CACNA1S: variants seen among roughly 807,000 people sequenced by gnomAD.
The protein encoded by CACNA1S is voltage-dependent L-type calcium channel subunit alpha-1S.
A neutral mutation model predicts 207.4 loss-of-function variants in CACNA1S; 126 were observed. That is an observed-to-expected ratio of 0.61 (90% CI 0.53 to 0.70). The LOEUF (loss-of-function observed/expected upper bound fraction) is 0.70. Ranked by LOEUF, CACNA1S falls within the 30% of genes least tolerant of loss-of-function variation. CACNA1S has a pLI of 0.00. For missense variants in CACNA1S, 2,349 were observed against 2,422.8 expected (o/e 0.97, Z 0.64); for synonymous variants, 960 against 932.7 (o/e 1.03, Z -0.53).
chr1:201,084,200 C>T (rs1019795666), intron 9 of CACNA1S, among the ~76,000 whole-genome samples: 35 of 152,126 alleles, frequency 2.3e-4, no homozygotes, highest in Non-Finnish European at 1.8e-4. Context: ...TTTGGCAACA[C>T]CTCATATGTG....
At chr1:201,081,756 G>A (rs139292632) in intron 10 of CACNA1S, among the ~76,000 whole-genome samples, 174 of 152,324 alleles carry the variant, frequency 1.1e-3, no homozygotes, top group African/African-American at 3.7e-3. Context: ...AATGGCTTGG[G>A]CCATTTCTTT....
At chr1:201,062,536 G>C in intron 22 of CACNA1S, 22 bp from the exon 23 acceptor site, 1 of 1,484,192 alleles carries the variant, frequency 6.7e-7, no homozygotes, top group Non-Finnish European at 9.4e-7. Flanking sequence ...AAGAGGGAGG[G>C]AGGGAGGGAG....
intron 39 of CACNA1S, 32 bp from the exon 40 acceptor site, chr1:201,043,563 G>C (rs1558052218): frequency 6.2e-7 from 1 of 1,612,288 alleles, no homozygotes; most frequent in Non-Finnish European, 8.5e-7. Context: ...GTGACTGGGG[G>C]TGAGGGCAGG....
chr1:201,089,225 G>C, intron 6 of CACNA1S, 33 bp downstream of exon 6: 2 of 1,602,440 alleles, frequency 1.2e-6, no homozygotes, highest in Non-Finnish European at 1.7e-6. Flanking sequence ...TGGATGAAGG[G>C]AGATGGTTCT....
intron 36 of CACNA1S, 26 bp from the exon 37 acceptor site, chr1:201,047,652 A>T: frequency 6.6e-7 from 1 of 1,510,748 alleles, no homozygotes; most frequent in South Asian, 1.1e-5. Context: ...GGCAAAAGTT[A>T]CCCAGATCAC....
chr1:201,040,142 C>T, intron 43 of CACNA1S, 60 bp from the exon 44 acceptor site: 1 of 1,611,768 alleles, frequency 6.2e-7, no homozygotes, highest in Non-Finnish European at 8.5e-7. Context: ...TGGGGACCTG[C>T]CTCTGTTGGC....
At chr1:201,094,603 A>C (rs934807008) in intron 2 of CACNA1S, among the ~76,000 whole-genome samples, 1 of 152,112 alleles carries the variant, frequency 6.6e-6, no homozygotes, top group African/African-American at 2.4e-5. Flanking sequence ...TGGATTACTC[A>C]GAACTCCAGA....
intron 28 of CACNA1S, among the ~76,000 whole-genome samples, chr1:201,054,824 T>C (rs998278884): frequency 6.6e-6 from 1 of 152,150 alleles, no homozygotes; most frequent in African/African-American, 2.4e-5. Context: ...CACAGACAGA[T>C]CCCTTCTCAT....
intron 10 of CACNA1S, among the ~76,000 whole-genome samples, chr1:201,082,656 C>G (rs1661877747): frequency 1.3e-5 from 2 of 152,176 alleles, no homozygotes; most frequent in Non-Finnish European, 2.9e-5. Flanking sequence ...GATCAGTCTT[C>G]CCCTCTGGCT....
chr1:201,066,341 G>A lies in CACNA1S; in HGVS notation c.2658-25C>T, dbSNP rs751280233. The A allele has an allele frequency of 1.3e-6, 2 of 1,593,114 alleles. No homozygotes were observed. Among genetic ancestry groups the A allele is most frequent in the South Asian group, 1.1e-5 (1 of 90,826 alleles). ...CCTGGGGGGCGGCAATGGTGAGGGG[G>A]CTGAGGGCAGCCTGCTCCAGCCAGC... On this transcript the variant is annotated intron_variant, in intron 20 of 43. Coordinates refer to ENST00000362061, the MANE Select transcript of CACNA1S (RefSeq NM_000069.3). The surrounding 1 kb of genome is among the most constrained non-coding windows in gnomAD (Gnocchi z 4.3).
At chr1:201,051,962 G>A (rs1295711777) in intron 32 of CACNA1S, among the ~76,000 whole-genome samples, 1 of 152,186 alleles carries the variant, frequency 6.6e-6, no homozygotes, top group East Asian at 1.9e-4. Context: ...TTGACACGCT[G>A]TGCCAAGAAG....
chr1:201,102,244 G>A (rs151030857), intron 2 of CACNA1S, among the ~76,000 whole-genome samples: 2 of 152,198 alleles, frequency 1.3e-5, no homozygotes, highest in Admixed American at 6.5e-5. Context: ...GCAGGGAAAG[G>A]CCTCGGATCC....
chr1:201,039,751 C>G lies in CACNA1S; in HGVS notation c.*80G>C. 6.4e-7 allele frequency: 1 copy of G among 1,570,462 alleles called. No individual in the cohort carries two copies. The highest frequency in any genetic ancestry group is 8.7e-7 in the Non-Finnish European group (1 of 1,154,438). ...GAGGGAGGGAGGCTGCTGCGGTGGG[C>G]TAGCCCTTCTCCACCCCAGCAACTT... On this transcript the variant is annotated 3_prime_UTR_variant, in exon 44 of 44. Coordinates refer to ENST00000362061, the MANE Select transcript of CACNA1S (RefSeq NM_000069.3).
chr1:201,071,713 T>A (rs1661440366), intron 16 of CACNA1S, among the ~76,000 whole-genome samples: 1 of 152,102 alleles, frequency 6.6e-6, no homozygotes, highest in Non-Finnish European at 1.5e-5. Context: ...TGCACACAAG[T>A]CACTGCCATC....
chr1:201,046,225 T>C (rs1255356327), intron 38 of CACNA1S, among the ~76,000 whole-genome samples: 2 of 152,100 alleles, frequency 1.3e-5, no homozygotes, highest in Non-Finnish European at 2.9e-5. Flanking sequence ...TCTGTCACCC[T>C]TGCTAGAGTG....
chr1:201,060,854 G>T, intron 25 of CACNA1S, 38 bp from the exon 26 acceptor site: 1 of 1,613,162 alleles, frequency 6.2e-7, no homozygotes, highest in Non-Finnish European at 8.5e-7. Flanking sequence ...GCACCAAGAG[G>T]CCCCTCCCTC....
chr1:201,061,441 A>T lies in CACNA1S; in HGVS notation c.3081T>A (p.Asn1027Lys). 6.2e-7 allele frequency: 1 copy of T among 1,614,206 alleles called. No individual in the cohort carries two copies. The highest frequency in any genetic ancestry group is 8.5e-7 in the Non-Finnish European group (1 of 1,180,022). Reference sequence around the variant, plus strand: ...TGTAGATGGGACCCACGTCCTCCGCATTGGAGTCTATGGCCTTGTACAGCA... The same window carrying T: ...TGTAGATGGGACCCACGTCCTCCGCTTTGGAGTCTATGGCCTTGTACAGCA... ...PQLLYKAIDS[N>K]AEDVGPIYNN... Residue 1027 changes from asparagine to lysine, a missense_variant, in exon 25 of 44, where the codon AAT (asparagine) becomes AAA (lysine). Transcript: ENST00000362061.
intron 2 of CACNA1S, among the ~76,000 whole-genome samples, chr1:201,108,950 T>C (rs1662998380): frequency 6.6e-6 from 1 of 152,168 alleles, no homozygotes. Context: ...ACACAGCCTG[T>C]ACAAGAGCAG....
Position 201,053,475 on chromosome 1 carries a change from A to G in CACNA1S, c.3779T>C (p.Phe1260Ser). 6.2e-7 allele frequency: 1 copy of G among 1,614,078 alleles called. No homozygotes were observed. The highest frequency in any genetic ancestry group is 2.2e-5 in the East Asian group (1 of 44,848). Residue 1260 changes from phenylalanine (F) to serine (S), a missense_variant, in exon 30 of 44, where the codon TTC becomes TCC. By Grantham distance (155) the Phe-to-Ser change is radical. Transcript: ENST00000362061. The surrounding 1 kb of genome is among the most constrained non-coding windows in gnomAD (Gnocchi z 5.1). ...CTGTTGCACCTGGAAGGACTTGATG[A>G]ACGTCCACAGGAGGGTTCGCACTCC... ...AEGVRTLLWT[F>S]IKSFQALPYV...
Sources: allele counts gnomAD v4.1 joint callset (sites outside exome capture counted in the v4.1 genomes callset), GRCh38; gene constraint gnomAD v4.1.1; non-coding constraint Gnocchi (gnomAD v3.1); transcripts MANE v1.5; gene names NCBI Gene and HGNC (gene_info 2026-07-23, HGNC 2026-07-21).